OXR1: variants seen among roughly 807,000 people sequenced by gnomAD.
OXR1 encodes oxidation resistance 1.
In OXR1, 41 loss-of-function variants were observed where a neutral mutation model predicts 104.6. The observed-to-expected ratio is 0.39, with a 90% CI of 0.31 to 0.51. The LOEUF (loss-of-function observed/expected upper bound fraction) is 0.51, where lower values mean the gene tolerates loss of function less well. OXR1 is among the 20% of genes least tolerant of loss of function. The pLI, the probability that OXR1 is intolerant of heterozygous loss-of-function variation, is 0.77. For synonymous variants in OXR1, 348 were observed against 348.4 expected (o/e 1.00, Z 0.01); for missense variants, 955 against 1,031.9 (o/e 0.93, Z 1.02).
chr8:106,541,658 T>TG (rs2130330389), intron 3 of OXR1, among the ~76,000 whole-genome samples: 1 of 152,318 alleles, frequency 6.6e-6, no homozygotes, highest in South Asian at 2.1e-4. Context: ...TTTAGTAAAT[T>TG]GGTGGCTGAT....
chr8:106,519,083 C>G lies in OXR1; in HGVS notation c.164C>G (p.Ala55Gly). ...PIIEEEQNNA[A>G]NTQKHPSRRS... ...ATTGAAGAAGAGCAGAACAATGCAG[C>G]AAATACTCAGAAACATCCTTCCAGA... is the stretch of plus-strand genomic sequence containing the variant. The change falls in exon 3 of 17, where the codon GCA (alanine) becomes GGA (glycine). Residue 55 changes from alanine (A) to glycine (G), a missense_variant. Ala to Gly is a moderately conservative substitution (Grantham distance 60). Around this residue, in one of 2 missense-constraint regions of OXR1, gnomAD observed 849 missense variants for 852.9 expected, o/e 1.00. Transcript: ENST00000517566. 1 of 1,552,108 alleles carries G rather than the reference C, an allele frequency of 6.4e-7. No homozygotes were observed. Among genetic ancestry groups the G allele is most frequent in the Admixed American group, 2.0e-5 (1 of 50,992 alleles).
intron 2 of OXR1, among the ~76,000 whole-genome samples, chr8:106,500,084 C>G (rs958916600): frequency 1.3e-5 from 2 of 152,134 alleles, no homozygotes; most frequent in African/African-American, 2.4e-5. Context: ...AAATCATCAT[C>G]AAGTGTAGAC....
At chr8:106,457,391 T>G (rs898116363) in intron 2 of OXR1, among the ~76,000 whole-genome samples, 5 of 152,196 alleles carry the variant, frequency 3.3e-5, no homozygotes, top group Admixed American at 6.5e-5. Flanking sequence ...TCCAGAACTT[T>G]GAGAAATAAA....
chr8:106,315,888 A>G (rs1813912266), intron 1 of OXR1, among the ~76,000 whole-genome samples: 1 of 152,220 alleles, frequency 6.6e-6, no homozygotes, highest in Admixed American at 6.5e-5. Flanking sequence ...GGAGTAGATC[A>G]GAAAACACTT....
chr8:106,523,402 C>T (rs969837887), intron 3 of OXR1, among the ~76,000 whole-genome samples: 4 of 151,526 alleles, frequency 2.6e-5, no homozygotes, highest in Admixed American at 6.6e-5. Context: ...TAGAATTCTG[C>T]CTATCACATT....
intron 3 of OXR1, among the ~76,000 whole-genome samples, chr8:106,671,369 C>T (rs17259107): frequency 0.054 from 8,182 of 152,034 alleles, 250 homozygotes; most frequent in African/African-American, 0.076. Flanking sequence ...CTAAATCAAC[C>T]TTGACTATCT....
chr8:106,452,606 T>C (rs897273765), intron 2 of OXR1, among the ~76,000 whole-genome samples: 4 of 152,196 alleles, frequency 2.6e-5, no homozygotes, highest in Admixed American at 1.3e-4. Flanking sequence ...CTATTTGATA[T>C]TGGACTTTTA....
chr8:106,277,067 A>G (rs1245408403), intron 1 of OXR1, among the ~76,000 whole-genome samples: 1 of 152,238 alleles, frequency 6.6e-6, no homozygotes, highest in Non-Finnish European at 1.5e-5. Flanking sequence ...TTCAGATTCA[A>G]TAAAAATCTG....
intron 2 of OXR1, among the ~76,000 whole-genome samples, chr8:106,406,794 C>T (rs910633874): frequency 6.6e-6 from 1 of 152,112 alleles, no homozygotes; most frequent in Non-Finnish European, 1.5e-5. Context: ...ATACATGTGT[C>T]AGAACTCTAG....
chr8:106,579,933 CT>C (rs1300245987), intron 3 of OXR1, among the ~76,000 whole-genome samples: 2 of 152,124 alleles, frequency 1.3e-5, no homozygotes, highest in East Asian at 3.9e-4. Context: ...CATGTGCATT[CT>C]GATTGACCAC....
intron 2 of OXR1, among the ~76,000 whole-genome samples, chr8:106,415,269 T>C (rs1818625264): frequency 1.3e-5 from 2 of 152,004 alleles, no homozygotes; most frequent in African/African-American, 2.4e-5. Context: ...TATTGCCATC[T>C]GTCTTATTAG....
chr8:106,732,349 A>T (rs1267230475), intron 11 of OXR1, among the ~76,000 whole-genome samples: 1 of 152,090 alleles, frequency 6.6e-6, no homozygotes, highest in East Asian at 1.9e-4. Flanking sequence ...CCCTATTTAT[A>T]TAACTTTAAT....
intron 2 of OXR1, among the ~76,000 whole-genome samples, chr8:106,498,076 T>C (rs750642412): frequency 6.6e-6 from 1 of 152,270 alleles, no homozygotes; most frequent in Non-Finnish European, 1.5e-5. Flanking sequence ...ATGCTAGAAA[T>C]TTGCTTATAG....
intron 2 of OXR1, among the ~76,000 whole-genome samples, chr8:106,464,499 A>G (rs1586674778): frequency 6.6e-6 from 1 of 152,062 alleles, no homozygotes; most frequent in South Asian, 2.1e-4. Context: ...GAAACTATTC[A>G]TTTCCTGACT....
intron 2 of OXR1, among the ~76,000 whole-genome samples, chr8:106,380,828 A>G (rs1817116314): frequency 6.6e-6 from 1 of 152,180 alleles, no homozygotes; most frequent in Admixed American, 6.5e-5. Context: ...TGGAATTATA[A>G]AAGTTCTTCA....
At chr8:106,271,363 G>T (rs1811799366) in intron 1 of OXR1, among the ~76,000 whole-genome samples, 2 of 152,080 alleles carry the variant, frequency 1.3e-5, no homozygotes, top group Admixed American at 1.3e-4. Flanking sequence ...TCGGGCTTCC[G>T]TTCAGTGGTT....
chr8:106,365,139 G>A (rs976051281), intron 2 of OXR1, among the ~76,000 whole-genome samples: 5 of 152,068 alleles, frequency 3.3e-5, no homozygotes, highest in African/African-American at 1.2e-4. Flanking sequence ...AAAATAAAGA[G>A]AAAGGTTAGA....
intron 2 of OXR1, among the ~76,000 whole-genome samples, chr8:106,465,133 G>T (rs1297008390): frequency 1.3e-5 from 2 of 151,940 alleles, no homozygotes; most frequent in African/African-American, 2.4e-5. Flanking sequence ...TAAATGATTG[G>T]CCATGGAAAG....
chr8:106,560,426 T>A (rs58487544), intron 3 of OXR1, among the ~76,000 whole-genome samples: 1 of 152,180 alleles, frequency 6.6e-6, no homozygotes, highest in African/African-American at 2.4e-5. Flanking sequence ...CTCATTTTAC[T>A]TCTATGGGAG....
Sources: allele counts gnomAD v4.1 joint callset (sites outside exome capture counted in the v4.1 genomes callset), GRCh38; gene constraint gnomAD v4.1.1; regional missense constraint gnomAD v4.1.1; transcripts MANE v1.5; gene names NCBI Gene and HGNC (gene_info 2026-07-23, HGNC 2026-07-21).